BPIFA3: variants seen among roughly 807,000 people sequenced by gnomAD.
BPIFA3 encodes the protein BPI fold containing family A member 3.
A neutral mutation model predicts 29.7 loss-of-function variants in BPIFA3; 32 were observed. That is an observed-to-expected ratio of 1.08 (90% CI 0.81 to 1.45). The LOEUF (loss-of-function observed/expected upper bound fraction) is 1.45. Ranked by LOEUF, BPIFA3 falls within the 40% of genes most tolerant of loss-of-function variation. BPIFA3 has a pLI of 0.00. For missense variants in BPIFA3, 323 were observed against 311.3 expected, an observed-to-expected ratio of 1.04 and a Z score of -0.28; for synonymous variants, 112 against 113.7, an observed-to-expected ratio of 0.98 and a Z score of 0.10.
intron 2 of BPIFA3, among the ~76,000 whole-genome samples, 185 bp from the exon 3 acceptor site, chr20:33,224,168 CTG>C (rs1333362823): frequency 6.6e-6 from 1 of 152,326 alleles, no homozygotes; most frequent in East Asian, 1.9e-4. Flanking sequence ...TAGGGCCACT[CTG>C]GGGCAGCTTG....
rs1049882237 is a variant in BPIFA3, at chr20:33,227,772, C to T, written c.*155C>T. The T allele has an allele frequency of 1.3e-5, 8 of 614,618 alleles. No homozygotes were observed. Among genetic ancestry groups the T allele is most frequent in the Non-Finnish European group, 2.3e-5 (8 of 349,972 alleles). The allele number at this position is 614,618 out of a possible 1,614,324, so 38.1% of individuals were successfully genotyped here. A position where few individuals can be genotyped will look rare whatever the true frequency, so the allele number is the denominator to read the frequency against. On this transcript the variant is annotated 3_prime_UTR_variant, in exon 7 of 7. Coordinates refer to ENST00000375454, the MANE Select transcript of BPIFA3 (RefSeq NM_178466.5). ...CTCTGAAGGGTGCACAGGTCCCTCC[C>T]ACCTGGGCCCTGGGGTTTAGGTCTA... is the stretch of plus-strand genomic sequence containing the variant.
At chr20:33,224,262 C>T in intron 2 of BPIFA3, 93 bp from the exon 3 acceptor site, 1 of 1,074,154 alleles carries the variant, frequency 9.3e-7, no homozygotes, top group Non-Finnish European at 1.4e-6. Context: ...GCCAGGCCCT[C>T]TTTATAGTCG....
In BPIFA3 at chr20:33,217,497, C is replaced by T; in HGVS notation, c.-40C>T. ...CCACCCTCAAAGCCGTCTGCCCAGG[C>T]CCCATCTGACACTCTTGACATCTGC... On this transcript the variant is annotated 5_prime_UTR_variant, in exon 1 of 7. Coordinates refer to ENST00000375454, the MANE Select transcript of BPIFA3 (RefSeq NM_178466.5). 1.2e-6 allele frequency: 2 copies of T among 1,607,260 alleles called. No homozygotes were observed. Among genetic ancestry groups the T allele is most frequent in the Admixed American group, 3.4e-5 (2 of 58,844 alleles).
chr20:33,227,761 C>G lies in BPIFA3; in HGVS notation c.*144C>G. The G allele has an allele frequency of 1.5e-6, 1 of 654,252 alleles. No individual in the cohort carries two copies. Among genetic ancestry groups the G allele is most frequent in the Non-Finnish European group, 2.6e-6 (1 of 378,886 alleles). The allele number at this position is 654,252 out of a possible 1,614,324, so 40.5% of individuals were successfully genotyped here. A position where few individuals can be genotyped will look rare whatever the true frequency, so the allele number is the denominator to read the frequency against. Reference sequence around the variant, plus strand: ...ATAAACTCTAGCTCTGAAGGGTGCACAGGTCCCTCCCACCTGGGCCCTGGG... The same window carrying G: ...ATAAACTCTAGCTCTGAAGGGTGCAGAGGTCCCTCCCACCTGGGCCCTGGG... On this transcript the variant is annotated 3_prime_UTR_variant, in exon 7 of 7. Coordinates refer to ENST00000375454, the MANE Select transcript of BPIFA3 (RefSeq NM_178466.5).
At chr20:33,224,306 G>A in intron 2 of BPIFA3, 49 bp from the exon 3 acceptor site, 2 of 1,489,000 alleles carry the variant, frequency 1.3e-6, no homozygotes, top group Admixed American at 1.7e-5. Flanking sequence ...AGCCTTACCT[G>A]TTCTGAAGTC....
At chr20:33,217,766 C>A in intron 1 of BPIFA3, 103 bp downstream of exon 1, 3 of 1,360,752 alleles carry the variant, frequency 2.2e-6, no homozygotes, top group South Asian at 1.5e-5. Context: ...TCAGGTTAGT[C>A]ACTTTCCCTC....
chr20:33,219,778 T>C (rs1470390632), intron 1 of BPIFA3, among the ~76,000 whole-genome samples: 1 of 152,206 alleles, frequency 6.6e-6, no homozygotes, highest in Non-Finnish European at 1.5e-5. Context: ...ACCTATATTC[T>C]TCCAAATGAA....
chr20:33,224,485 C>CTGAGAGG, intron 3 of BPIFA3, 23 bp downstream of exon 3: 1 of 1,555,566 alleles, frequency 6.4e-7, no homozygotes, highest in Non-Finnish European at 8.9e-7. Context: ...GAAGCAGAAT[C>CTGAGAGG]TGAGAGGTGC....
chr20:33,217,575 G>A lies in BPIFA3; in HGVS notation c.39G>A (p.Gly13=). 1 of 1,614,152 alleles carries A rather than the reference G, an allele frequency of 6.2e-7. No individual in the cohort carries two copies. Residue 13 remains glycine, a synonymous_variant, in exon 1 of 7, where the codon GGG becomes GGA. Coordinates refer to ENST00000375454, the MANE Select transcript of BPIFA3 (RefSeq NM_178466.5). ...CPLWRLLIFL[G]LLALPLAPHK... ...TCTGGAGGCTCCTCATCTTCCTCGG[G>A]TTGCTGGCCTTGCCCTTGGCACCAC...
chr20:33,218,448 G>A (rs1985362200), intron 1 of BPIFA3, among the ~76,000 whole-genome samples: 1 of 152,196 alleles, frequency 6.6e-6, no homozygotes, highest in Non-Finnish European at 1.5e-5. Flanking sequence ...GTCAGCTAGG[G>A]CTGTCCTCAC....
intron 1 of BPIFA3, among the ~76,000 whole-genome samples, chr20:33,219,115 A>T (rs530601241): frequency 1.3e-5 from 2 of 152,138 alleles, no homozygotes; most frequent in Non-Finnish European, 2.9e-5. Context: ...CATGTTGGCC[A>T]GGCGGTCTCG....
At position 33,217,569 on chromosome 20, in the gene BPIFA3, C is replaced by G; in HGVS notation, c.33C>G (p.Phe11Leu). MMCPLWRLLIFLGLLALPLAP... is the reference protein window; with the variant it reads MMCPLWRLLILLGLLALPLAP... ...GTCCACTCTGGAGGCTCCTCATCTT[C>G]CTCGGGTTGCTGGCCTTGCCCTTGG... The change falls in exon 1 of 7, where the codon TTC becomes TTG. Residue 11 changes from phenylalanine (F) to leucine (L), a missense_variant. Physicochemically the swap from Phe to Leu is conservative, Grantham distance 22. Transcript: ENST00000375454. 4 of 1,614,230 alleles carry G rather than the reference C, an allele frequency of 2.5e-6. No homozygotes were observed. The East Asian group carries it at 8.9e-5, about 36-fold the overall frequency.
At chr20:33,222,046 C>T (rs1407015) in intron 1 of BPIFA3, among the ~76,000 whole-genome samples, 17,782 of 152,112 alleles carry the variant, frequency 0.12, 3,502 homozygotes, top group African/African-American at 0.4. Flanking sequence ...GGCAGTGAAA[C>T]TATATTATCA....
At chr20:33,220,310 A>G (rs1381342736) in intron 1 of BPIFA3, among the ~76,000 whole-genome samples, 1 of 151,930 alleles carries the variant, frequency 6.6e-6, no homozygotes, top group Non-Finnish European at 1.5e-5. Context: ...AGGTAGGAGA[A>G]TGACGTGAAC....
intron 1 of BPIFA3, among the ~76,000 whole-genome samples, chr20:33,221,984 TCTGCAGTAACC>T (rs1985534264): frequency 6.6e-6 from 1 of 152,250 alleles, no homozygotes; most frequent in Non-Finnish European, 1.5e-5. Context: ...TAGCAGCTTC[TCTGCAGTAACC>T]CAGAGTTCTC....
In BPIFA3 at chr20:33,217,532, A is replaced by T. The variant is rs1985310617; in HGVS notation, c.-5A>T. 4 of 1,613,472 alleles carry T rather than the reference A, an allele frequency of 2.5e-6. No homozygotes were observed. The highest frequency in any genetic ancestry group is 3.4e-6 in the Non-Finnish European group (4 of 1,179,760). On this transcript the variant is annotated 5_prime_UTR_variant, in exon 1 of 7. Coordinates refer to ENST00000375454, the MANE Select transcript of BPIFA3 (RefSeq NM_178466.5). ...CACTCTTGACATCTGCAGGTCCCAG[A>T]CCCTATGATGTGTCCACTCTGGAGG...
intron 1 of BPIFA3, among the ~76,000 whole-genome samples, chr20:33,222,416 G>C (rs140007970): frequency 3.9e-5 from 6 of 152,362 alleles, no homozygotes; most frequent in African/African-American, 1.4e-4. Flanking sequence ...AAGAGTCAGT[G>C]AGGGTGAGGC....
At chr20:33,226,544 G>A (rs1985789224) in intron 5 of BPIFA3, 54 bp downstream of exon 5, 11 of 1,128,074 alleles carry the variant, frequency 9.8e-6, no homozygotes, top group South Asian at 1.3e-5. Flanking sequence ...GAGGGTTAGG[G>A]CATATATCCA....
chr20:33,221,688 G>A (rs2146484121), intron 1 of BPIFA3, among the ~76,000 whole-genome samples: 1 of 152,110 alleles, frequency 6.6e-6, no homozygotes, highest in South Asian at 2.1e-4. Flanking sequence ...CTCAGAGAAT[G>A]AGATCTTCAA....
Sources: allele counts gnomAD v4.1 joint callset (sites outside exome capture counted in the v4.1 genomes callset), GRCh38; gene constraint gnomAD v4.1.1; transcripts MANE v1.5; gene names NCBI Gene and HGNC (gene_info 2026-07-23, HGNC 2026-07-21).